SATL1: variants seen among roughly 807,000 people sequenced by gnomAD.
SATL1 encodes the protein spermidine/spermine N(1)-acetyltransferase-like protein 1.
A neutral mutation model predicts 51.8 loss-of-function variants in SATL1; 47 were observed. That is an observed-to-expected ratio of 0.91 (90% CI 0.72 to 1.16). The LOEUF is 1.16. Among genes scored for constraint, SATL1 ranks in the 50% most tolerant of loss-of-function variants. SATL1 has a pLI of 0.00. For missense variants in SATL1, 520 were observed against 526.4 expected, an observed-to-expected ratio of 0.99 and a Z score of 0.12; for synonymous variants, 176 against 182.4, an observed-to-expected ratio of 0.97 and a Z score of 0.28.
chrX:85,092,483 T>C lies in SATL1; in HGVS notation c.1996A>G (p.Ser666Gly), dbSNP rs1053430357. ...WNQASINYYT[S>G]RGALDLSSEE... ...GAGGAAAGGTCTAAAGCCCCTCGACTAGTATAGTAGTTGATAGAAGCCTGG... is the reference window on the plus strand; with the variant it reads ...GAGGAAAGGTCTAAAGCCCCTCGACCAGTATAGTAGTTGATAGAAGCCTGG... The change falls in exon 8 of 8, where the codon AGT becomes GGT. Residue 666 changes from serine (S) to glycine (G), a missense_variant. Physicochemically the swap from Ser to Gly is moderately conservative, Grantham distance 56 (BLOSUM62 0). This residue lies in a region of SATL1 where 488 missense variants were observed against 474.3 expected (regional missense o/e 1.03). Coordinates refer to ENST00000644105, the MANE Select transcript of SATL1 (RefSeq NM_001367857.2). 3.3e-6 allele frequency: 4 copies of C among 1,207,691 alleles called. No homozygotes were observed. The highest frequency in any genetic ancestry group is 4.5e-6 in the Non-Finnish European group (4 of 893,920).
intron 1 of SATL1, among the ~76,000 whole-genome samples, chrX:85,236,510 C>A (rs149275633): frequency 1.1e-4 from 12 of 111,276 alleles, no homozygotes; most frequent in Middle Eastern, 4.6e-3. Context: ...GTGAGGTTAT[C>A]CCAGAATGTA....
intron 2 of SATL1, among the ~76,000 whole-genome samples, chrX:85,149,448 C>T (rs962936514): frequency 3.6e-5 from 4 of 111,475 alleles, no homozygotes; most frequent in African/African-American, 1.3e-4. Flanking sequence ...TTGAACTCAG[C>T]TCTGCATCAA....
chrX:85,144,090 A>G (rs1289069760), intron 2 of SATL1, among the ~76,000 whole-genome samples: 1 of 111,597 alleles, frequency 9.0e-6, no homozygotes, highest in Non-Finnish European at 1.9e-5. Context: ...TGTGACTTAA[A>G]TTTCTCTAAA....
chrX:85,172,803 C>A (rs751125732), intron 2 of SATL1, among the ~76,000 whole-genome samples: 1 of 110,899 alleles, frequency 9.0e-6, no homozygotes, highest in Non-Finnish European at 1.9e-5. Flanking sequence ...AAAACAAAAA[C>A]AAACAAATAG....
rs1170951542 is a variant in SATL1, at chrX:85,147,500, G to C, written c.-312-38220C>G. Among the ~76,000 whole-genome samples, 3 of 114,247 alleles carry C rather than the reference G, an allele frequency of 2.6e-5. No homozygotes were observed. The East Asian group carries it at 8.1e-4, about 31-fold the overall frequency. On this transcript the variant is annotated intron_variant, in intron 2 of 7. Transcript: ENST00000644105. The stretch of plus-strand genomic sequence containing the variant: ...TCCCAGCATGCAGCTGGAGATCTGA[G>C]AATGGGCAGACTGCCTCCTCAAGTG...
At chrX:85,180,907 T>A (rs755677539) in intron 2 of SATL1, among the ~76,000 whole-genome samples, 18 of 110,862 alleles carry the variant, frequency 1.6e-4, no homozygotes, top group Non-Finnish European at 3.0e-4. Flanking sequence ...TCAAGATGCA[T>A]ATAGTTAATT....
chrX:85,240,876 G>A (rs1173774353), intron 1 of SATL1, among the ~76,000 whole-genome samples: 1 of 108,990 alleles, frequency 9.2e-6, no homozygotes, highest in Non-Finnish European at 1.9e-5. Context: ...CGCCCGCCTC[G>A]GCCTCCCAAA....
chrX:85,205,919 G>C (rs1927782610), intron 2 of SATL1, among the ~76,000 whole-genome samples: 1 of 111,462 alleles, frequency 9.0e-6, no homozygotes, highest in Non-Finnish European at 1.9e-5. Context: ...AGTGGGCTTC[G>C]AGGTCTGTTT....
chrX:85,215,326 T>A, intron 2 of SATL1, among the ~76,000 whole-genome samples: 1 of 111,547 alleles, frequency 9.0e-6, no homozygotes, highest in Non-Finnish European at 1.9e-5. Flanking sequence ...TTACCCATAG[T>A]CTTGACTATT....
chrX:85,217,436 A>G (rs1022501961), intron 2 of SATL1, among the ~76,000 whole-genome samples: 1 of 111,332 alleles, frequency 9.0e-6, no homozygotes, highest in African/African-American at 3.3e-5. Context: ...GAAGAGGCAA[A>G]ATAAGACAAA....
intron 2 of SATL1, among the ~76,000 whole-genome samples, chrX:85,166,955 G>A (rs1247450456): frequency 9.6e-6 from 1 of 103,896 alleles, no homozygotes; most frequent in African/African-American, 3.5e-5. Context: ...GTGTGTGTGT[G>A]TGTGTGTGTG....
At chrX:85,113,384 A>G (rs1261489574) in intron 2 of SATL1, among the ~76,000 whole-genome samples, 1 of 111,607 alleles carries the variant, frequency 9.0e-6, no homozygotes, top group Non-Finnish European at 1.9e-5. Flanking sequence ...AGTTAGGTGC[A>G]TGGGGTTGCT....
intron 2 of SATL1, among the ~76,000 whole-genome samples, chrX:85,163,597 C>A (rs1423979519): frequency 1.8e-5 from 2 of 111,232 alleles, no homozygotes; most frequent in African/African-American, 3.3e-5. Flanking sequence ...AGTTAACTTC[C>A]AATTTTGTCC....
chrX:85,188,235 C>A (rs1238765719), intron 2 of SATL1, among the ~76,000 whole-genome samples: 1 of 111,359 alleles, frequency 9.0e-6, no homozygotes, highest in African/African-American at 3.3e-5. Context: ...CTGTTTCTTT[C>A]TACTTTCCAT....
At chrX:85,157,868 C>A (rs780841412) in intron 2 of SATL1, among the ~76,000 whole-genome samples, 1 of 111,406 alleles carries the variant, frequency 9.0e-6, no homozygotes, top group African/African-American at 3.3e-5. Flanking sequence ...AAGCCACAAG[C>A]GAACTACCAT....
chrX:85,118,087 CTT>C lies in SATL1; in HGVS notation c.-312-8809_-312-8808del, dbSNP rs747093188. Reference sequence around the variant, plus strand: ...TTTTGCAAATAAAAAAAGAACTTAGCTTTTTTTTTTTTTTTTCCAGAGTGCAG... The same window carrying C: ...TTTTGCAAATAAAAAAAGAACTTAGCTTTTTTTTTTTTTTCCAGAGTGCAG... On this transcript the variant is annotated intron_variant, in intron 2 of 7. Coordinates refer to ENST00000644105, the MANE Select transcript of SATL1 (RefSeq NM_001367857.2). Among the ~76,000 whole-genome samples, 43 of 46,166 alleles carry C rather than the reference CTT, an allele frequency of 9.3e-4. 3 individuals are homozygous for C. The highest frequency in any genetic ancestry group is 2.4e-3 in the Admixed American group (7 of 2,922). 40.1% of individuals were successfully genotyped at this position (46,166 alleles called of 115,157 possible). A position where few individuals can be genotyped will look rare whatever the true frequency, so the allele number is the denominator to read the frequency against.
intron 2 of SATL1, among the ~76,000 whole-genome samples, chrX:85,125,214 T>G (rs773213491): frequency 9.0e-6 from 1 of 111,475 alleles, no homozygotes; most frequent in East Asian, 2.8e-4. Context: ...CATCATTTTA[T>G]GCATTGGAGA....
At chrX:85,097,152 ACC>A (rs964972402) in intron 4 of SATL1, among the ~76,000 whole-genome samples, 11 of 110,544 alleles carry the variant, frequency 1.0e-4, no homozygotes, top group African/African-American at 3.6e-4. Flanking sequence ...TGGAGGAGAA[ACC>A]CACATATACA....
At chrX:85,130,074 C>T (rs140095489) in intron 2 of SATL1, among the ~76,000 whole-genome samples, 11,997 of 111,202 alleles carry the variant, frequency 0.11, 560 homozygotes, top group South Asian at 0.22. Context: ...ATTTTCACAT[C>T]GATGTTCATC....
Sources: allele counts gnomAD v4.1 joint callset (sites outside exome capture counted in the v4.1 genomes callset), GRCh38; gene constraint gnomAD v4.1.1; regional missense constraint gnomAD v4.1.1; transcripts MANE v1.5; gene names NCBI Gene and HGNC (gene_info 2026-07-23, HGNC 2026-07-21).